The following PDGFC variants were observed in gnomAD, a reference collection of about 807,000 sequenced individuals.
PDGFC encodes platelet derived growth factor C, also known as platelet-derived growth factor C.
A neutral mutation model predicts 35.5 loss-of-function variants in PDGFC; 12 were observed. The ratio of observed to expected loss-of-function variants is 0.34; its 90% confidence interval spans 0.22 to 0.55. The LOEUF is 0.55. Ranked by LOEUF, PDGFC falls within the 20% of genes least tolerant of loss-of-function variation. PDGFC has a pLI of 0.91. For synonymous variants in PDGFC, 159 were observed against 148.8 expected (o/e 1.07, Z -0.50); for missense variants, 322 against 412.4 (o/e 0.78, Z 1.90).
intron 1 of PDGFC, among the ~76,000 whole-genome samples, chr4:156,956,984 G>T (rs2110958396): frequency 6.6e-6 from 1 of 152,052 alleles, no homozygotes; most frequent in South Asian, 2.1e-4. Context: ...AAGAAAAATG[G>T]CGAGAAGCTG....
At chr4:156,908,696 C>A (rs958465126) in intron 1 of PDGFC, among the ~76,000 whole-genome samples, 10 of 152,148 alleles carry the variant, frequency 6.6e-5, no homozygotes, top group African/African-American at 2.4e-4. Flanking sequence ...CCTAAACCTA[C>A]CATACATTTA....
At chr4:156,887,422 T>C (rs982433349) in intron 1 of PDGFC, among the ~76,000 whole-genome samples, 1 of 152,314 alleles carries the variant, frequency 6.6e-6, no homozygotes, top group East Asian at 1.9e-4. Flanking sequence ...TGGTTATGCA[T>C]GTTTTCATTA....
At chr4:156,861,344 C>T (rs1469500969) in intron 1 of PDGFC, 8 of 431,414 alleles carry the variant, frequency 1.9e-5, no homozygotes, top group Admixed American at 3.2e-5. Flanking sequence ...TTCATTGTAT[C>T]AAGCTTAATT....
Position 156,802,320 on chromosome 4 carries a change from T to G in PDGFC, c.495+8517A>C, listed in dbSNP as rs559381739. Among the ~76,000 whole-genome samples the G allele has an allele frequency of 4.0e-5, 6 of 151,724 alleles. No homozygotes were observed. The South Asian group carries it at 8.4e-4, about 21-fold the overall frequency. On this transcript the variant is annotated intron_variant, in intron 3 of 5. Transcript: ENST00000502773. ...TAAAATTCTGAAAACTAAAAAGGAG[T>G]TGGATGTGTCGTCATTGGATTGGTG...
chr4:156,811,725 T>G (rs1052395862), intron 2 of PDGFC, among the ~76,000 whole-genome samples: 1 of 152,126 alleles, frequency 6.6e-6, no homozygotes, highest in East Asian at 1.9e-4. Context: ...AATGATTGTT[T>G]TAAACACATG....
At position 156,832,319 on chromosome 4, in the gene PDGFC, C is replaced by T. The variant is rs540843280; in HGVS notation, c.314+17902G>A. ...TTGCCCAGGCTGGAGTGCAATGGCA[C>T]GATCTCGGCTCACCACAATCTCCGC... On this transcript the variant is annotated intron_variant, in intron 2 of 5. Coordinates refer to ENST00000502773, the MANE Select transcript of PDGFC (RefSeq NM_016205.3). Among the ~76,000 whole-genome samples, 30 of 148,470 alleles carry T rather than the reference C, an allele frequency of 2.0e-4. 1 individual carries two copies. The South Asian group carries it at 3.0e-3, about 15-fold the overall frequency.
chr4:156,777,367 G>C (rs927361101), intron 3 of PDGFC, among the ~76,000 whole-genome samples: 1 of 152,148 alleles, frequency 6.6e-6, no homozygotes, highest in Non-Finnish European at 1.5e-5. Flanking sequence ...TTCTACTAAA[G>C]TCCTACTCAC....
At chr4:156,874,357 A>T (rs1183340787) in intron 1 of PDGFC, among the ~76,000 whole-genome samples, 1 of 152,202 alleles carries the variant, frequency 6.6e-6, no homozygotes, top group Admixed American at 6.5e-5. Flanking sequence ...ATTTATTTGA[A>T]TAGTCTAACC....
At chr4:156,772,125 GTTC>G (rs146281824) in intron 4 of PDGFC, among the ~76,000 whole-genome samples, 8,062 of 152,106 alleles carry the variant, frequency 0.053, 679 homozygotes, top group African/African-American at 0.18. Context: ...GTTCTTTTAG[GTTC>G]TTGTTTTCTT....
chr4:156,918,876 T>C (rs1731209194), intron 1 of PDGFC, among the ~76,000 whole-genome samples: 2 of 152,314 alleles, frequency 1.3e-5, no homozygotes, highest in Non-Finnish European at 1.5e-5. Context: ...TCACCCAATT[T>C]CCCAAAAAGA....
At chr4:156,921,092 A>C (rs1375730856) in intron 1 of PDGFC, among the ~76,000 whole-genome samples, 1 of 152,166 alleles carries the variant, frequency 6.6e-6, no homozygotes, top group Non-Finnish European at 1.5e-5. Context: ...AGCAGTCAAA[A>C]AATTTTAAGA....
At chr4:156,969,739 T>C (rs928361131) in intron 1 of PDGFC, among the ~76,000 whole-genome samples, 11 of 152,226 alleles carry the variant, frequency 7.2e-5, no homozygotes, top group African/African-American at 2.7e-4. Context: ...GCATTCTGAA[T>C]AGATGATATA....
chr4:156,827,472 T>C (rs1229796462), intron 2 of PDGFC, among the ~76,000 whole-genome samples: 1 of 150,926 alleles, frequency 6.6e-6, no homozygotes, highest in Non-Finnish European at 1.5e-5. Context: ...CGCAAGCAAA[T>C]GAGCAGAGCA....
At chr4:156,821,241 T>C (rs1030356784) in intron 2 of PDGFC, among the ~76,000 whole-genome samples, 5 of 151,486 alleles carry the variant, frequency 3.3e-5, no homozygotes, top group Non-Finnish European at 7.4e-5. Context: ...GAGTATACAA[T>C]TTTTTTTGAA....
At chr4:156,952,486 C>A (rs1341665105) in intron 1 of PDGFC, among the ~76,000 whole-genome samples, 1 of 151,788 alleles carries the variant, frequency 6.6e-6, no homozygotes, top group Non-Finnish European at 1.5e-5. Context: ...GAAACAAAAT[C>A]TATTAATGTT....
intron 1 of PDGFC, among the ~76,000 whole-genome samples, chr4:156,862,612 A>G (rs146699113): frequency 6.6e-6 from 1 of 152,340 alleles, no homozygotes; most frequent in Non-Finnish European, 1.5e-5. Flanking sequence ...AAATAATCCA[A>G]AAAACACCAA....
intron 4 of PDGFC, among the ~76,000 whole-genome samples, chr4:156,772,432 T>C (rs1294029002): frequency 6.6e-6 from 1 of 152,168 alleles, no homozygotes; most frequent in African/African-American, 2.4e-5. Context: ...AATGATATTT[T>C]TGAAGATAAT....
chr4:156,795,691 G>A (rs1464348100), intron 3 of PDGFC, among the ~76,000 whole-genome samples: 1 of 152,106 alleles, frequency 6.6e-6, no homozygotes, highest in Non-Finnish European at 1.5e-5. Context: ...AATGTGGACT[G>A]CTTTGAAAAC....
chr4:156,938,951 T>G (rs1731744812), intron 1 of PDGFC, among the ~76,000 whole-genome samples: 3 of 151,968 alleles, frequency 2.0e-5, no homozygotes. Context: ...CAAATTCACT[T>G]GGAGTAAAAA....
Sources: allele counts gnomAD v4.1 joint callset (sites outside exome capture counted in the v4.1 genomes callset), GRCh38; gene constraint gnomAD v4.1.1; transcripts MANE v1.5; gene names NCBI Gene and HGNC (gene_info 2026-07-23, HGNC 2026-07-21).